Variants in TBC1D1 observed in about 807,000 individuals in gnomAD.
TBC1D1 encodes the protein TBC1 (tre-2/USP6, BUB2, cdc16) domain family, member 1.
TBC1D1 carries 89 observed loss-of-function variants against 125.6 expected under a neutral mutation model. The observed-to-expected ratio is 0.71, with a 90% confidence interval of 0.60 to 0.85. The LOEUF (loss-of-function observed/expected upper bound fraction) is 0.85, where lower values mean the gene tolerates loss of function less well. TBC1D1 is among the 40% of genes least tolerant of loss of function. The probability of loss-of-function intolerance (pLI) is 0.00; values close to 1 mark genes in which losing one functional copy is unlikely to be tolerated. For synonymous variants in TBC1D1, 565 were observed against 564.1 expected, an observed-to-expected ratio of 1.00 and a Z score of -0.02; for missense variants, 1,377 against 1,469.2, an observed-to-expected ratio of 0.94 and a Z score of 1.03.
chr4:37,950,917 C>T (rs1727717758), intron 2 of TBC1D1, among the ~76,000 whole-genome samples: 1 of 152,046 alleles, frequency 6.6e-6, no homozygotes, highest in South Asian at 2.1e-4. Flanking sequence ...TGCCGCCATG[C>T]CCAGCTAATT....
chr4:38,024,364 G>A (rs1744658650), intron 6 of TBC1D1, among the ~76,000 whole-genome samples: 1 of 152,188 alleles, frequency 6.6e-6, no homozygotes, highest in Non-Finnish European at 1.5e-5. Context: ...AGATAAAGCA[G>A]AGCACGATCT....
chr4:37,962,154 G>T lies in TBC1D1; in HGVS notation c.418-52355G>T, dbSNP rs6824511. Reference sequence around the variant, plus strand: ...ATATCTTGGAGCTGATTCTGTGGTGGGCTGCTCCAAGTAATCTTTATCTTG... The same window carrying T: ...ATATCTTGGAGCTGATTCTGTGGTGTGCTGCTCCAAGTAATCTTTATCTTG... On this transcript the variant is annotated intron_variant, in intron 2 of 19. Coordinates refer to ENST00000261439, the MANE Select transcript of TBC1D1 (RefSeq NM_015173.4). Among the ~76,000 whole-genome samples, 358 of 152,280 alleles carry T rather than the reference G, an allele frequency of 2.4e-3. 2 individuals are homozygous for T. The highest frequency in any genetic ancestry group is 8.3e-3 in the African/African-American group (345 of 41,548).
chr4:38,062,690 G>C (rs1752988432), intron 12 of TBC1D1, among the ~76,000 whole-genome samples: 1 of 149,064 alleles, frequency 6.7e-6, no homozygotes, highest in Non-Finnish European at 1.5e-5. Context: ...AAGTCACAGT[G>C]AATGGCAAGA....
In TBC1D1 at chr4:37,921,572, A is replaced by G. The variant is rs1460446059; in HGVS notation, c.417+19060A>G. On this transcript the variant is annotated intron_variant, in intron 2 of 19. Transcript: ENST00000261439. ...CAGACACGCGCCACCATGCCCAGCT[A>G]ATTTTTGTATTTTTTTTTTTAGTTG... Among the ~76,000 whole-genome samples the G allele has an allele frequency of 2.6e-5, 4 of 151,024 alleles. No homozygotes were observed. The East Asian group carries it at 7.8e-4, about 29-fold the overall frequency.
intron 15 of TBC1D1, chr4:38,110,830 G>A: frequency 1.0e-6 from 1 of 985,432 alleles, no homozygotes; most frequent in Non-Finnish European, 1.2e-6. Context: ...CTCGAGTTTG[G>A]CAGAAATTAG....
chr4:37,995,932 G>C lies in TBC1D1; in HGVS notation c.418-18577G>C. 1.7e-6 allele frequency: 1 copy of C among 579,128 alleles called. No homozygotes were observed. Among genetic ancestry groups the C allele is most frequent in the South Asian group, 1.4e-5 (1 of 72,814 alleles). The allele number at this position is 579,128 out of a possible 1,614,324, so 35.9% of individuals were successfully genotyped here. A position where few individuals can be genotyped will look rare whatever the true frequency, so the allele number is the denominator to read the frequency against. On this transcript the variant is annotated intron_variant, in intron 2 of 19. Transcript: ENST00000261439. This position sits in a 1 kb window ranked among gnomAD's most constrained non-coding sequence, Gnocchi z 4.3. ...GACAGGACCTTCTCATTCCCAGGGA[G>C]AAATCCACACTCAAGGACTTCTTTC... is the stretch of plus-strand genomic sequence containing the variant.
intron 7 of TBC1D1, among the ~76,000 whole-genome samples, chr4:38,028,349 A>G (rs1033698156): frequency 2.6e-5 from 4 of 152,262 alleles, no homozygotes; most frequent in South Asian, 2.1e-4. Flanking sequence ...TATTTTTAGT[A>G]GAGACAGGCT....
chr4:38,049,979 A>C, intron 11 of TBC1D1, 81 bp downstream of exon 11: 1 of 1,439,532 alleles, frequency 6.9e-7, no homozygotes, highest in Non-Finnish European at 9.4e-7. Flanking sequence ...AGGTATGTTT[A>C]TTGAGTGAGA....
intron 8 of TBC1D1, among the ~76,000 whole-genome samples, chr4:38,041,170 G>A (rs1748287894): frequency 6.6e-6 from 1 of 152,196 alleles, no homozygotes; most frequent in Non-Finnish European, 1.5e-5. Context: ...GCATTCATTA[G>A]TGAATTAGGA....
intron 1 of TBC1D1, among the ~76,000 whole-genome samples, chr4:37,896,641 C>T (rs1407514862): frequency 2.0e-5 from 3 of 152,022 alleles, no homozygotes; most frequent in Admixed American, 6.6e-5. Flanking sequence ...CAACTTCACA[C>T]TTGAAAGTGT....
intron 5 of TBC1D1, 147 bp downstream of exon 5, chr4:38,020,842 C>T: frequency 1.8e-6 from 1 of 570,392 alleles, no homozygotes; most frequent in Non-Finnish European, 3.1e-6. Flanking sequence ...ATTTAGTAAG[C>T]AGCTAATACA....
At chr4:37,951,882 T>C (rs1727948581) in intron 2 of TBC1D1, 1 of 681,856 alleles carries the variant, frequency 1.5e-6, no homozygotes, top group African/African-American at 1.8e-5. Flanking sequence ...ATTACAATAC[T>C]GACATGGAGT....
At chr4:37,896,899 T>G (rs529396713) in intron 1 of TBC1D1, among the ~76,000 whole-genome samples, 1 of 152,232 alleles carries the variant, frequency 6.6e-6, no homozygotes, top group East Asian at 1.9e-4. Flanking sequence ...TTATTGAAAC[T>G]GTTCTAATAA....
intron 2 of TBC1D1, among the ~76,000 whole-genome samples, chr4:37,999,125 T>G: frequency 6.6e-6 from 1 of 152,080 alleles, no homozygotes; most frequent in Non-Finnish European, 1.5e-5. Context: ...GGTGGGCGCC[T>G]GTAATCCCAG....
At chr4:38,042,778 C>A (rs1748644070) in intron 8 of TBC1D1, among the ~76,000 whole-genome samples, 1 of 152,196 alleles carries the variant, frequency 6.6e-6, no homozygotes, top group Non-Finnish European at 1.5e-5. Context: ...GGCAAATGCT[C>A]ACTTGAACAA....
intron 2 of TBC1D1, among the ~76,000 whole-genome samples, chr4:38,006,105 G>C (rs1338049726): frequency 6.6e-6 from 1 of 152,104 alleles, no homozygotes; most frequent in Non-Finnish European, 1.5e-5. Context: ...TTGCAGTTTG[G>C]CTGTGGTTGT....
At chr4:37,965,633 G>C (rs1730919897) in intron 2 of TBC1D1, among the ~76,000 whole-genome samples, 1 of 152,078 alleles carries the variant, frequency 6.6e-6, no homozygotes, top group Admixed American at 6.6e-5. Context: ...AGGAGCATCG[G>C]GGCTCTTGTG....
intron 2 of TBC1D1, among the ~76,000 whole-genome samples, chr4:37,993,878 G>A (rs1052473468): frequency 6.6e-6 from 1 of 152,220 alleles, no homozygotes; most frequent in Non-Finnish European, 1.5e-5. Flanking sequence ...CACCGCGCCC[G>A]GCCACAACAA....
intron 2 of TBC1D1, among the ~76,000 whole-genome samples, chr4:37,971,632 T>C (rs1002085214): frequency 6.6e-5 from 10 of 152,202 alleles, no homozygotes; most frequent in Admixed American, 1.3e-4. Flanking sequence ...CGTGTTTAGA[T>C]CTCTGCAGTC....
Sources: allele counts gnomAD v4.1 joint callset (sites outside exome capture counted in the v4.1 genomes callset), GRCh38; gene constraint gnomAD v4.1.1; non-coding constraint Gnocchi (gnomAD v3.1); transcripts MANE v1.5; gene names NCBI Gene and HGNC (gene_info 2026-07-23, HGNC 2026-07-21).